Variants in TRIOBP observed in about 807,000 individuals in gnomAD.
The protein encoded by TRIOBP is TRIO and F-actin-binding protein.
In TRIOBP, 169 loss-of-function variants were observed where a neutral mutation model predicts 238.8. That is an observed-to-expected ratio of 0.71 (90% CI 0.62 to 0.80). The LOEUF (loss-of-function observed/expected upper bound fraction) is 0.80. TRIOBP is among the 30% of genes least tolerant of loss of function. The pLI, the probability that TRIOBP is intolerant of heterozygous loss-of-function variation, is 0.00. For synonymous variants in TRIOBP, 1,150 were observed against 1,274.4 expected, an observed-to-expected ratio of 0.90 and a Z score of 2.08; for missense variants, 2,838 against 3,122.6, an observed-to-expected ratio of 0.91 and a Z score of 2.17.
intron 16 of TRIOBP, 57 bp from the exon 17 acceptor site, chr22:37,759,097 C>T (rs1423088976): frequency 1.4e-6 from 2 of 1,459,216 alleles, no homozygotes; most frequent in African/African-American, 2.8e-5. Flanking sequence ...TCCTCACTGC[C>T]TTCCACCAGC....
In TRIOBP at chr22:37,751,338, A is replaced by T. The variant is rs1925593284; in HGVS notation, c.5323-434A>T. On this transcript the variant is annotated intron_variant, in intron 11 of 23. Coordinates refer to ENST00000644935, the MANE Select transcript of TRIOBP (RefSeq NM_001039141.3). ...AGGACAGGACTGGCGGGCCCATGGG[A>T]GGGTCCGTGGGGCACTTGGTCCTCG... 9 of 333,228 alleles carry T rather than the reference A, an allele frequency of 2.7e-5. No homozygotes were observed. The Admixed American group carries it at 3.8e-4, about 14-fold the overall frequency. The allele number at this position is 333,228 out of a possible 1,614,324, so 20.6% of individuals were successfully genotyped here. A position where few individuals can be genotyped will look rare whatever the true frequency, so the allele number is the denominator to read the frequency against.
chr22:37,743,800 A>AG (rs1238130911), intron 11 of TRIOBP, among the ~76,000 whole-genome samples: 9 of 55,402 alleles, frequency 1.6e-4, no homozygotes, highest in East Asian at 1.4e-3. Flanking sequence ...AGAGAGAGAG[A>AG]ATGTGTGTGT....
intron 9 of TRIOBP, among the ~76,000 whole-genome samples, chr22:37,735,695 T>C (rs940130663): frequency 6.6e-5 from 10 of 152,136 alleles, no homozygotes; most frequent in African/African-American, 2.2e-4. Context: ...TCCCATTTAG[T>C]CTCCTTAGCA....
At chr22:37,713,085 T>C (rs1027361294) in intron 4 of TRIOBP, 125 bp from the exon 5 acceptor site, 3 of 788,574 alleles carry the variant, frequency 3.8e-6, no homozygotes, top group African/African-American at 3.4e-5. Flanking sequence ...GCTCTCACCA[T>C]TGGCTCCCTT....
intron 6 of TRIOBP, among the ~76,000 whole-genome samples, chr22:37,718,843 G>GTTTTTTTTTTTTT (rs71195044): frequency 9.7e-6 from 1 of 103,354 alleles, no homozygotes; most frequent in African/African-American, 3.5e-5. Flanking sequence ...ACTGGGGCTT[G>GTTTTTTTTTTTTT]TTTTTTTTTT....
At chr22:37,768,502 G>A (rs183051250) in intron 19 of TRIOBP, among the ~76,000 whole-genome samples, 2 of 152,252 alleles carry the variant, frequency 1.3e-5, no homozygotes, top group East Asian at 3.9e-4. Flanking sequence ...GGAATGTTGA[G>A]GTTTCAGGGG....
chr22:37,731,958 G>C (rs1352544716), intron 7 of TRIOBP, among the ~76,000 whole-genome samples: 1 of 152,154 alleles, frequency 6.6e-6, no homozygotes, highest in African/African-American at 2.4e-5. Context: ...CAGACAGCAG[G>C]GCCTATGGAG....
chr22:37,742,916 A>G (rs1265214513), intron 11 of TRIOBP, among the ~76,000 whole-genome samples: 1 of 152,138 alleles, frequency 6.6e-6, no homozygotes, highest in African/African-American at 2.4e-5. Flanking sequence ...GATGAAGTGA[A>G]GCTCAGAGAG....
rs763966914 is a variant in TRIOBP, at chr22:37,769,310, A to T, written c.6784A>T (p.Ile2262Phe). 7.4e-6 allele frequency: 12 copies of T among 1,611,892 alleles called. No individual in the cohort carries two copies. In the African/African-American group the frequency reaches 1.2e-4, roughly 16 times the overall value. ...GGAGATAGACCAGCTGCGCGGCTTC[A>T]TTGCCTCGCAGGGCATGGGCAATGG... ...SEEIDQLRGF[I>F]ASQGMGNGCG... Residue 2262 changes from isoleucine to phenylalanine, a missense_variant, in exon 21 of 24, where the codon ATT (isoleucine) becomes TTT (phenylalanine). This residue lies in a region of TRIOBP where 2,096 missense variants were observed against 2,137.4 expected (regional missense o/e 0.98). Transcript: ENST00000644935.
rs534234338 is a variant in TRIOBP, at chr22:37,738,565, T to C, written c.5107-77T>C. ...GGTGTTGCATGGACAGATGATAGAATGGATGGATGAGGTGGACAGATGCAT... is the reference window on the plus strand; with the variant it reads ...GGTGTTGCATGGACAGATGATAGAACGGATGGATGAGGTGGACAGATGCAT... On this transcript the variant is annotated intron_variant, in intron 9 of 23. Coordinates refer to ENST00000644935, the MANE Select transcript of TRIOBP (RefSeq NM_001039141.3). 5 of 1,385,806 alleles carry C rather than the reference T, an allele frequency of 3.6e-6. No individual in the cohort carries two copies. In the African/African-American group the frequency reaches 4.3e-5, roughly 12 times the overall value. 85.8% of individuals were successfully genotyped at this position (1,385,806 alleles called of 1,614,324 possible).
chr22:37,736,978 G>A (rs1007092179), intron 9 of TRIOBP, among the ~76,000 whole-genome samples: 5 of 152,200 alleles, frequency 3.3e-5, no homozygotes, highest in African/African-American at 1.2e-4. Flanking sequence ...CCCATGGGAG[G>A]ACTGGAGAAC....
chr22:37,746,278 A>G, intron 11 of TRIOBP: 1 of 1,081,872 alleles, frequency 9.2e-7, no homozygotes, highest in Non-Finnish European at 1.1e-6. Flanking sequence ...CGGGGAAAGG[A>G]AGGGCCGGAG....
At chr22:37,698,953 C>G (rs1233121674) in intron 2 of TRIOBP, among the ~76,000 whole-genome samples, 2 of 152,036 alleles carry the variant, frequency 1.3e-5, no homozygotes, top group Non-Finnish European at 2.9e-5. Flanking sequence ...TTCACCTGGC[C>G]AACATGGCGA....
At chr22:37,735,467 G>A in intron 9 of TRIOBP, 25 bp downstream of exon 9, 1 of 1,546,500 alleles carries the variant, frequency 6.5e-7, no homozygotes, top group South Asian at 1.2e-5. Flanking sequence ...ACCCTCCCAA[G>A]GGTAGCCAGA....
intron 12 of TRIOBP, among the ~76,000 whole-genome samples, chr22:37,754,629 G>A (rs559667092): frequency 2.6e-5 from 4 of 152,230 alleles, no homozygotes; most frequent in Middle Eastern, 3.4e-3. Context: ...GGTCCGGGGT[G>A]CCTGAGGAGC....
chr22:37,727,792 C>T (rs1178431053), intron 7 of TRIOBP, among the ~76,000 whole-genome samples: 1 of 152,212 alleles, frequency 6.6e-6, no homozygotes, highest in Admixed American at 6.5e-5. Flanking sequence ...TCTTTTGAGT[C>T]TCCTTGGTCA....
chr22:37,752,606 G>T (rs1432522568), intron 12 of TRIOBP, among the ~76,000 whole-genome samples: 1 of 152,182 alleles, frequency 6.6e-6, no homozygotes. Flanking sequence ...GGATTTCATT[G>T]TGTTTCCGGC....
At chr22:37,733,049 C>T (rs1012699315) in intron 7 of TRIOBP, among the ~76,000 whole-genome samples, 3 of 152,250 alleles carry the variant, frequency 2.0e-5, no homozygotes, top group African/African-American at 7.2e-5. Context: ...CACCCAACCG[C>T]CTCTACTCCC....
chr22:37,740,225 A>G (rs1482274963), intron 10 of TRIOBP, among the ~76,000 whole-genome samples: 2 of 152,152 alleles, frequency 1.3e-5, no homozygotes, highest in African/African-American at 4.8e-5. Context: ...GCTCTCTCCT[A>G]CCTTCCCAGT....
Sources: gnomAD v4.1 joint callset for allele counts (sites outside exome capture counted in the v4.1 genomes callset) on GRCh38, gnomAD v4.1.1 for gene constraint, gnomAD v4.1.1 regional missense constraint, MANE v1.5 for transcripts, NCBI Gene and HGNC (gene_info 2026-07-23, HGNC 2026-07-21) for gene names.